The following CAPZA1 variants were observed in gnomAD, a reference collection of about 807,000 sequenced individuals.
CAPZA1 encodes the protein capping actin protein of muscle Z-line subunit alpha 1.
A neutral mutation model predicts 40.8 loss-of-function variants in CAPZA1; 10 were observed. The ratio of observed to expected loss-of-function variants is 0.25; its 90% CI spans 0.15 to 0.42. The LOEUF (loss-of-function observed/expected upper bound fraction) is 0.42. Among genes scored for constraint, CAPZA1 ranks in the 10% least tolerant of loss-of-function variants. CAPZA1 has a pLI of 1.00. For missense variants in CAPZA1, 277 were observed against 353.8 expected, an observed-to-expected ratio of 0.78 and a Z score of 1.74; for synonymous variants, 98 against 115.0, an observed-to-expected ratio of 0.85 and a Z score of 0.95.
intron 1 of CAPZA1, among the ~76,000 whole-genome samples, chr1:112,625,564 G>T (rs1670789227): frequency 6.6e-6 from 1 of 152,208 alleles, no homozygotes; most frequent in Non-Finnish European, 1.5e-5. Flanking sequence ...GAGTGAAGAG[G>T]TACCTCGAGT....
chr1:112,669,471 C>G, intron 8 of CAPZA1, 72 bp from the exon 9 acceptor site: 1 of 1,032,132 alleles, frequency 9.7e-7, no homozygotes, highest in Non-Finnish European at 1.5e-6. Flanking sequence ...TTAAGATGGA[C>G]TTACTTTCAG....
intron 7 of CAPZA1, among the ~76,000 whole-genome samples, chr1:112,662,637 A>G (rs1671640888): frequency 6.6e-6 from 1 of 151,784 alleles, no homozygotes; most frequent in Non-Finnish European, 1.5e-5. Context: ...TGACCTTGTG[A>G]TCCGCCTCCC....
chr1:112,641,856 T>C (rs1570710940), intron 1 of CAPZA1, among the ~76,000 whole-genome samples: 1 of 136,470 alleles, frequency 7.3e-6, no homozygotes. Context: ...GCTGCCGCAC[T>C]CCAGCCTGGG....
chr1:112,654,697 CAG>C, intron 5 of CAPZA1, 26 bp downstream of exon 5: 1 of 1,480,208 alleles, frequency 6.8e-7, no homozygotes, highest in Non-Finnish European at 9.3e-7. Context: ...GCTTCGTTAT[CAG>C]AGAGTGTTTT....
intron 1 of CAPZA1, among the ~76,000 whole-genome samples, chr1:112,625,480 G>A (rs777804160): frequency 6.6e-6 from 1 of 152,196 alleles, no homozygotes; most frequent in Admixed American, 6.5e-5. Flanking sequence ...AAATGCTACT[G>A]AGATAGAAAG....
chr1:112,635,264 A>G (rs1310581059), intron 1 of CAPZA1, among the ~76,000 whole-genome samples: 1 of 152,160 alleles, frequency 6.6e-6, no homozygotes, highest in Non-Finnish European at 1.5e-5. Flanking sequence ...ACTTTCAAGG[A>G]GAGTATGAGT....
chr1:112,649,453 A>G lies in CAPZA1; in HGVS notation c.139A>G (p.Arg47Gly). 6.2e-7 allele frequency: 1 copy of G among 1,612,348 alleles called. No homozygotes were observed. Among genetic ancestry groups the G allele is most frequent in the Non-Finnish European group, 8.5e-7 (1 of 1,178,620 alleles). ...RLLLNNDNLLREGAAHAFAQY... is the reference protein window; with the variant it reads ...RLLLNNDNLLGEGAAHAFAQY... ...ACTACTTAATAATGACAATCTCCTC[A>G]GGGAAGGGGCAGCACAGTAAGTATC... The change falls in exon 3 of 10, where the codon AGG becomes GGG. Residue 47 changes from arginine (R) to glycine (G), a missense_variant. Arg to Gly is a moderately radical substitution (Grantham distance 125). Transcript: ENST00000263168.
In CAPZA1 at chr1:112,647,395, T is replaced by C. The variant is rs1190317361; in HGVS notation, c.103+122T>C. On this transcript the variant is annotated intron_variant, in intron 2 of 9. Transcript: ENST00000263168. ...CTAAGTAAATCAAGATTCAAAAAAA[T>C]TGAAATAACTTGTCCAAGGTCCCCC... is the stretch of plus-strand genomic sequence containing the variant. 14 of 497,140 alleles carry C rather than the reference T, an allele frequency of 2.8e-5. No homozygotes were observed. The Admixed American group carries it at 4.2e-4, about 15-fold the overall frequency. 30.8% of individuals were successfully genotyped at this position (497,140 alleles called of 1,614,324 possible).
intron 7 of CAPZA1, among the ~76,000 whole-genome samples, chr1:112,662,966 T>C (rs987974243): frequency 1.3e-5 from 2 of 151,994 alleles, no homozygotes; most frequent in African/African-American, 4.8e-5. Flanking sequence ...GCCCCCTTTT[T>C]GTTTTGTTTT....
At chr1:112,641,909 C>G (rs1355580210) in intron 1 of CAPZA1, among the ~76,000 whole-genome samples, 1 of 146,220 alleles carries the variant, frequency 6.8e-6, no homozygotes, top group African/African-American at 2.6e-5. Flanking sequence ...AAAAAAAATA[C>G]TAAAACTGAT....
At chr1:112,646,392 C>T (rs183155746) in intron 1 of CAPZA1, among the ~76,000 whole-genome samples, 1,718 of 152,182 alleles carry the variant, frequency 0.011, 14 homozygotes, top group Non-Finnish European at 0.018. Context: ...CCAGCCTGGG[C>T]ATGATGAGAC....
chr1:112,668,230 C>T (rs1238985599), intron 8 of CAPZA1, among the ~76,000 whole-genome samples: 3 of 152,068 alleles, frequency 2.0e-5, no homozygotes, highest in Admixed American at 6.5e-5. Flanking sequence ...GAGCCAAGAT[C>T]GTGCCACTGC....
chr1:112,663,857 G>A (rs1262277184), intron 7 of CAPZA1, among the ~76,000 whole-genome samples: 1 of 152,062 alleles, frequency 6.6e-6, no homozygotes, highest in Non-Finnish European at 1.5e-5. Context: ...AAAGCCAAAA[G>A]GTAAAATTTC....
intron 8 of CAPZA1, 143 bp downstream of exon 8, chr1:112,667,288 C>T: frequency 1.7e-6 from 1 of 603,950 alleles, no homozygotes; most frequent in Non-Finnish European, 3.0e-6. Context: ...GTTAGTGCCT[C>T]TTATCACCAA....
intron 1 of CAPZA1, among the ~76,000 whole-genome samples, chr1:112,625,571 G>A (rs1255452460): frequency 1.3e-5 from 2 of 152,168 alleles, no homozygotes; most frequent in African/African-American, 2.4e-5. Context: ...GAGGTACCTC[G>A]AGTGAGCACT....
At chr1:112,645,870 A>G (rs566264928) in intron 1 of CAPZA1, among the ~76,000 whole-genome samples, 1 of 151,424 alleles carries the variant, frequency 6.6e-6, no homozygotes, top group Admixed American at 6.6e-5. Context: ...GCTGATGCGG[A>G]AAGATTCCTG....
At chr1:112,660,486 G>T (rs965263574) in intron 7 of CAPZA1, among the ~76,000 whole-genome samples, 2 of 151,948 alleles carry the variant, frequency 1.3e-5, no homozygotes, top group Admixed American at 1.3e-4. Context: ...CTCCATGTTG[G>T]TTAGGCTGGT....
chr1:112,630,113 G>T (rs1670891560), intron 1 of CAPZA1, among the ~76,000 whole-genome samples: 2 of 152,026 alleles, frequency 1.3e-5, no homozygotes, highest in Admixed American at 6.6e-5. Context: ...TGGGATCTTG[G>T]CTTACTGCAA....
intron 1 of CAPZA1, among the ~76,000 whole-genome samples, chr1:112,624,604 TCAAAAAA>T (rs1670760426): frequency 1.2e-4 from 1 of 8,492 alleles, no homozygotes. Flanking sequence ...CAAAACTCCA[TCAAAAAA>T]AAAAAAAAAA....
Sources: allele counts gnomAD v4.1 joint callset (sites outside exome capture counted in the v4.1 genomes callset), GRCh38; gene constraint gnomAD v4.1.1; transcripts MANE v1.5; gene names NCBI Gene and HGNC (gene_info 2026-07-23, HGNC 2026-07-21).